NRXN1: variants seen among roughly 807,000 people sequenced by gnomAD.
NRXN1 encodes the protein neurexin 1.
A neutral mutation model predicts 150.9 loss-of-function variants in NRXN1; 39 were observed. The observed-to-expected ratio is 0.26, with a 90% CI of 0.20 to 0.34. The LOEUF (loss-of-function observed/expected upper bound fraction) is 0.34, where lower values mean the gene tolerates loss of function less well. Among genes scored for constraint, NRXN1 ranks in the 10% least tolerant of loss-of-function variants. The probability of loss-of-function intolerance (pLI) is 1.00; values close to 1 mark genes in which losing one functional copy is unlikely to be tolerated. For missense variants in NRXN1, 1,815 were observed against 1,949.9 expected (o/e 0.93, Z 1.30); for synonymous variants, 924 against 757.0 (o/e 1.22, Z -3.62).
At chr2:50,666,839 A>AATGATGATG (rs202154192) in intron 5 of NRXN1, among the ~76,000 whole-genome samples, 2 of 144,898 alleles carry the variant, frequency 1.4e-5, no homozygotes, top group African/African-American at 5.1e-5. Flanking sequence ...AGCATAAAAT[A>AATGATGATG]ATGATGATGA....
chr2:50,674,739 A>G (rs1559108276), intron 5 of NRXN1, among the ~76,000 whole-genome samples: 1 of 152,114 alleles, frequency 6.6e-6, no homozygotes, highest in African/African-American at 2.4e-5. Flanking sequence ...GCTTGGGTGA[A>G]TAATGGTGTA....
At chr2:50,340,577 A>G (rs1355798511) in intron 17 of NRXN1, among the ~76,000 whole-genome samples, 1 of 152,154 alleles carries the variant, frequency 6.6e-6, no homozygotes, top group East Asian at 1.9e-4. Context: ...CTTTGCAAAA[A>G]TATCTCCAGT....
intron 17 of NRXN1, among the ~76,000 whole-genome samples, chr2:50,241,270 C>A (rs976797246): frequency 5.3e-5 from 8 of 151,168 alleles, no homozygotes; most frequent in African/African-American, 1.9e-4. Context: ...ACCAAAAAAC[C>A]CTGCCAGCTA....
At chr2:50,504,905 A>G (rs943919416) in intron 13 of NRXN1, among the ~76,000 whole-genome samples, 1 of 152,116 alleles carries the variant, frequency 6.6e-6, no homozygotes, top group African/African-American at 2.4e-5. Flanking sequence ...TCTTGTCTGG[A>G]ATTCTTTCTT....
intron 2 of NRXN1, among the ~76,000 whole-genome samples, chr2:50,963,337 CCTT>C (rs1575068217): frequency 1.3e-5 from 2 of 151,658 alleles, no homozygotes; most frequent in African/African-American, 2.4e-5. Context: ...CCTTTTCCCT[CCTT>C]ATTTCCTTCC....
intron 17 of NRXN1, among the ~76,000 whole-genome samples, chr2:50,285,868 CA>C (rs58298457): frequency 5.5e-5 from 8 of 144,570 alleles, no homozygotes; most frequent in African/African-American, 7.6e-5. Flanking sequence ...TTTTGAAAAA[CA>C]AAAAAAAAAC....
intron 5 of NRXN1, among the ~76,000 whole-genome samples, chr2:50,671,242 C>A (rs1688793239): frequency 6.6e-6 from 1 of 151,452 alleles, no homozygotes; most frequent in Admixed American, 6.6e-5. Context: ...GCTATAGAAA[C>A]CAAGTAATGA....
rs772751031 is a variant in NRXN1, at chr2:50,906,105, G to T, written c.832+15764C>A. ...TGGTGGTTACACTAGGGGCACTAAG[G>T]TTATCCCTACTGGCACTCTGAGGAC... On this transcript the variant is annotated intron_variant, in intron 5 of 22. Transcript: ENST00000401669. Among the ~76,000 whole-genome samples the T allele has an allele frequency of 6.6e-4, 100 of 152,012 alleles. 1 individual carries two copies. Among genetic ancestry groups the T allele is most frequent in the Non-Finnish European group, 2.9e-4 (20 of 68,018 alleles).
At chr2:49,962,064 A>G (rs1411730876) in intron 21 of NRXN1, among the ~76,000 whole-genome samples, 1 of 151,940 alleles carries the variant, frequency 6.6e-6, no homozygotes. Context: ...CCCTAACACT[A>G]AAAAAAAGAA....
intron 17 of NRXN1, among the ~76,000 whole-genome samples, chr2:50,358,331 C>T (rs891362126): frequency 6.6e-6 from 1 of 152,216 alleles, no homozygotes; most frequent in African/African-American, 2.4e-5. Context: ...GATCCACTGG[C>T]TTGAAATTCT....
intron 18 of NRXN1, among the ~76,000 whole-genome samples, chr2:50,108,397 T>C (rs1408975182): frequency 1.3e-5 from 2 of 152,014 alleles, no homozygotes; most frequent in Non-Finnish European, 2.9e-5. Context: ...GAGGTAACCA[T>C]TATTAAGATC....
intron 22 of NRXN1, among the ~76,000 whole-genome samples, chr2:49,931,129 G>C (rs1174066700): frequency 6.6e-6 from 1 of 152,142 alleles, no homozygotes; most frequent in East Asian, 1.9e-4. Context: ...AAGAAAGTGA[G>C]AGACCTTTGA....
intron 15 of NRXN1, among the ~76,000 whole-genome samples, chr2:50,490,304 G>A (rs944173204): frequency 6.6e-6 from 1 of 151,994 alleles, no homozygotes; most frequent in Non-Finnish European, 1.5e-5. Flanking sequence ...CCATCTTCTG[G>A]CATGGCGTTC....
intron 8 of NRXN1, among the ~76,000 whole-genome samples, chr2:50,613,868 G>T (rs1011962806): frequency 6.6e-6 from 1 of 152,152 alleles, no homozygotes; most frequent in Non-Finnish European, 1.5e-5. Context: ...AACCCAGGTG[G>T]CGGAGCTTGC....
At chr2:50,212,768 G>A (rs1387557111) in intron 18 of NRXN1, among the ~76,000 whole-genome samples, 9 of 151,836 alleles carry the variant, frequency 5.9e-5, no homozygotes, top group Admixed American at 4.6e-4. Context: ...ATCACACACA[G>A]CCCCTTTAAC....
chr2:50,246,152 T>A (rs2066480171), intron 17 of NRXN1, among the ~76,000 whole-genome samples: 2 of 152,124 alleles, frequency 1.3e-5, no homozygotes, highest in South Asian at 4.1e-4. Context: ...GTGAGGTATC[T>A]GCAATGCTTT....
intron 18 of NRXN1, among the ~76,000 whole-genome samples, chr2:50,139,633 A>G (rs1706972728): frequency 6.6e-6 from 1 of 151,898 alleles, no homozygotes; most frequent in Admixed American, 6.5e-5. Flanking sequence ...AAACACCACC[A>G]GTAATGATCC....
rs748888019 is a variant in NRXN1 at position 50,538,288 on chromosome 2, G to A, written c.2108C>T (p.Ser703Phe). 2 of 1,613,532 alleles carry A rather than the reference G, an allele frequency of 1.2e-6. No homozygotes were observed. Among genetic ancestry groups the A allele is most frequent in the Non-Finnish European group, 1.7e-6 (2 of 1,179,580 alleles). Residue 703 changes from serine to phenylalanine, a missense_variant, in exon 10 of 23, where the codon TCC becomes TTC. Ser to Phe is a radical substitution (Grantham distance 155). Coordinates refer to ENST00000401669, the MANE Select transcript of NRXN1 (RefSeq NM_001330078.2). ...DGWNRYVCDC[S>F]GTGYLGRSCE... Reference sequence around the variant, plus strand: ...GGACCTGCCAAGATAGCCTGTTCCGGAACAATCACAGACATATCTGTTCCA... The same window carrying A: ...GGACCTGCCAAGATAGCCTGTTCCGAAACAATCACAGACATATCTGTTCCA...
At chr2:50,748,792 A>G (rs1048946114) in intron 5 of NRXN1, among the ~76,000 whole-genome samples, 17 of 152,140 alleles carry the variant, frequency 1.1e-4, no homozygotes, top group African/African-American at 4.1e-4. Context: ...TAACTGCTTG[A>G]GTCAAGAGAC....
Sources: allele counts gnomAD v4.1 joint callset (sites outside exome capture counted in the v4.1 genomes callset), GRCh38; gene constraint gnomAD v4.1.1; transcripts MANE v1.5; gene names NCBI Gene and HGNC (gene_info 2026-07-23, HGNC 2026-07-21).